Variants in DNA2 observed in about 807,000 individuals in gnomAD.
The protein encoded by DNA2 is DNA replication ATP-dependent helicase/nuclease DNA2.
Under a neutral mutation model 119.1 loss-of-function variants are expected in DNA2, and 101 were observed. The ratio of observed to expected loss-of-function variants is 0.85; its 90% CI spans 0.72 to 1.00. The LOEUF is 1.00. Ranked by LOEUF, DNA2 falls within the 50% of genes least tolerant of loss-of-function variation. The pLI is 0.00. For missense variants in DNA2, 1,121 were observed against 1,255.5 expected, an observed-to-expected ratio of 0.89 and a Z score of 1.62; for synonymous variants, 366 against 424.4, an observed-to-expected ratio of 0.86 and a Z score of 1.69.
chr10:68,461,364 T>C (rs1038303862), intron 4 of DNA2: 3 of 152,212 alleles, frequency 2.0e-5, no homozygotes, highest in African/African-American at 7.2e-5. Flanking sequence ...CACGATCTTA[T>C]ATGAAGTCAT....
In DNA2 at chr10:68,450,192, T is replaced by A. The variant is rs762988626; in HGVS notation, c.775A>T (p.Met259Leu). 6.2e-7 allele frequency: 1 copy of A among 1,602,678 alleles called. No homozygotes were observed. The highest frequency in any genetic ancestry group is 2.2e-5 in the East Asian group (1 of 44,732). ...GACCAAATGCTTTCTTCAATATCCATTGGTTTCACGACTTCAATGTTACAT... is the reference window on the plus strand; with the variant it reads ...GACCAAATGCTTTCTTCAATATCCAATGGTTTCACGACTTCAATGTTACAT... ...STCNIEVVKP[M>L]DIEESIWSPR... is the part of the protein sequence containing the mutation. The change falls in exon 6 of 21, where the codon ATG (methionine) becomes TTG (leucine). Residue 259 changes from methionine to leucine, a missense_variant. Met to Leu is a conservative substitution (Grantham distance 15, BLOSUM62 2). Transcript: ENST00000358410.
intron 5 of DNA2, among the ~76,000 whole-genome samples, chr10:68,458,483 G>A (rs1179963688): frequency 2.0e-5 from 3 of 149,300 alleles, no homozygotes; most frequent in Non-Finnish European, 4.4e-5. Flanking sequence ...GCAGTAAGCC[G>A]AAATCATGCC....
At chr10:68,427,625 G>A (rs111437456) in intron 14 of DNA2, among the ~76,000 whole-genome samples, 4 of 143,352 alleles carry the variant, frequency 2.8e-5, no homozygotes, top group African/African-American at 1.0e-4. Context: ...CTCCAGCCTG[G>A]GCAACAGAGC....
intron 14 of DNA2, chr10:68,424,935 C>A: frequency 1.5e-6 from 1 of 679,032 alleles, no homozygotes; most frequent in Non-Finnish European, 2.7e-6. Flanking sequence ...AGCCAAGTCT[C>A]GACAAGTCAG....
intron 7 of DNA2, 100 bp from the exon 8 acceptor site, chr10:68,445,183 G>A (rs1000286160): frequency 8.8e-6 from 10 of 1,140,382 alleles, no homozygotes; most frequent in Admixed American, 2.6e-5. Context: ...AACATTTTAG[G>A]GCCGGGCACA....
chr10:68,464,165 C>G (rs542688200), intron 4 of DNA2, among the ~76,000 whole-genome samples: 36 of 152,194 alleles, frequency 2.4e-4, no homozygotes, highest in South Asian at 6.2e-4. Context: ...TCATATATTG[C>G]CAGTAGAAAT....
intron 10 of DNA2, among the ~76,000 whole-genome samples, chr10:68,435,818 A>G (rs2051881819): frequency 6.6e-6 from 1 of 152,194 alleles, no homozygotes; most frequent in Non-Finnish European, 1.5e-5. Flanking sequence ...TATCACAACT[A>G]TAAATGGGAA....
In DNA2 at chr10:68,419,030, T is replaced by G; in HGVS notation, c.2967+4A>C. ...TGAATCAGTAGCAAACACAATTAAC[T>G]CACAGTTCCATCCTTATTACTTCTA... On this transcript the variant is annotated splice_donor_region_variant and intron_variant, in intron 19 of 20. Coordinates refer to ENST00000358410, the MANE Select transcript of DNA2 (RefSeq NM_001080449.3). 2 of 1,581,154 alleles carry G rather than the reference T, an allele frequency of 1.3e-6. No individual in the cohort carries two copies. The highest frequency in any genetic ancestry group is 1.7e-6 in the Non-Finnish European group (2 of 1,167,702).
At chr10:68,462,231 G>A (rs2052269252) in intron 4 of DNA2, among the ~76,000 whole-genome samples, 2 of 152,066 alleles carry the variant, frequency 1.3e-5, no homozygotes, top group African/African-American at 4.8e-5. Flanking sequence ...AATTAGCCGG[G>A]TGTGGTGGCA....
At chr10:68,466,053 C>T (rs1297301587) in intron 3 of DNA2, among the ~76,000 whole-genome samples, 2 of 151,350 alleles carry the variant, frequency 1.3e-5, no homozygotes, top group African/African-American at 2.4e-5. Context: ...CAGAGTCTTG[C>T]TCTGTCACCC....
chr10:68,471,719 G>A (rs1219551523), intron 1 of DNA2, 72 bp downstream of exon 1: 12 of 1,471,992 alleles, frequency 8.2e-6, no homozygotes, highest in African/African-American at 1.4e-5. Context: ...GAGGCGGTGC[G>A]GACGCAGCCT....
chr10:68,431,721 T>G (rs2051823685), intron 13 of DNA2, 141 bp downstream of exon 13: 2 of 588,548 alleles, frequency 3.4e-6, no homozygotes, highest in African/African-American at 3.8e-5. Context: ...CTTTACTATT[T>G]CTCATCATTC....
At chr10:68,459,589 A>G (rs952334091) in intron 4 of DNA2, among the ~76,000 whole-genome samples, 12 of 152,182 alleles carry the variant, frequency 7.9e-5, no homozygotes, top group African/African-American at 2.9e-4. Context: ...GGGTTGTCAG[A>G]GGCTGGGAGG....
chr10:68,440,675 A>T (rs2051956402), intron 9 of DNA2, among the ~76,000 whole-genome samples: 1 of 152,156 alleles, frequency 6.6e-6, no homozygotes, highest in Admixed American at 6.6e-5. Flanking sequence ...AAAGCAATTA[A>T]ATTTTACATA....
chr10:68,429,544 CAAA>C (rs533902480), intron 14 of DNA2, among the ~76,000 whole-genome samples: 1 of 102,380 alleles, frequency 9.8e-6, no homozygotes, highest in Non-Finnish European at 1.9e-5. Flanking sequence ...AACTCCGTCT[CAAA>C]AAAAAAAAAA....
chr10:68,453,319 C>A (rs910767980), intron 5 of DNA2, among the ~76,000 whole-genome samples: 1 of 152,224 alleles, frequency 6.6e-6, no homozygotes, highest in South Asian at 2.1e-4. Flanking sequence ...TATGACTGAC[C>A]TTTTAAAACA....
At chr10:68,460,849 T>G (rs2052248487) in intron 4 of DNA2, among the ~76,000 whole-genome samples, 1 of 151,792 alleles carries the variant, frequency 6.6e-6, no homozygotes, top group Non-Finnish European at 1.5e-5. Context: ...AGTTTGAGGT[T>G]ACGTGACCTG....
In DNA2 at chr10:68,429,882, A is replaced by ATTT. The variant is rs142420844; in HGVS notation, c.2208+551_2208+553dup. Among the ~76,000 whole-genome samples, 749 of 123,644 alleles carry ATTT rather than the reference A, an allele frequency of 6.1e-3. 17 individuals are homozygous for ATTT. Among genetic ancestry groups the ATTT allele is most frequent in the Middle Eastern group, 0.017 (4 of 232 alleles). The allele number at this position is 123,644 out of a possible 152,430, so 81.1% of individuals were successfully genotyped here. On this transcript the variant is annotated intron_variant, in intron 14 of 20. Coordinates refer to ENST00000358410, the MANE Select transcript of DNA2 (RefSeq NM_001080449.3). Reference sequence around the variant, plus strand: ...AATTCAAACTTACTAAAAAACCCGGATTTTTTTTTTTTTTTTTTGAGCTGG... The same window carrying ATTT: ...AATTCAAACTTACTAAAAAACCCGGATTTTTTTTTTTTTTTTTTTTTGAGCTGG...
chr10:68,471,789 A>ACAGCTCCGCCGG lies in DNA2; in HGVS notation c.64_74+1dup, dbSNP rs556723627. On this transcript the variant is annotated splice_donor_variant, in intron 1 of 20. Transcript: ENST00000358410. LOFTEE classifies it high-confidence loss of function. Reference sequence around the variant, plus strand: ...CCCACACCCTCCCCCCTCTCCGCTCACAGCTCCGCCGGCAGCTCCGCCTCC... The same window carrying ACAGCTCCGCCGG: ...CCCACACCCTCCCCCCTCTCCGCTCACAGCTCCGCCGGCAGCTCCGCCGGCAGCTCCGCCTCC... The ACAGCTCCGCCGG allele has an allele frequency of 1.1e-5, 18 of 1,598,548 alleles. No homozygotes were observed. The highest frequency in any genetic ancestry group is 1.8e-5 in the Admixed American group (1 of 56,712).
Sources: gnomAD v4.1 joint callset for allele counts (sites outside exome capture counted in the v4.1 genomes callset) on GRCh38, gnomAD v4.1.1 for gene constraint, MANE v1.5 for transcripts, NCBI Gene and HGNC (gene_info 2026-07-23, HGNC 2026-07-21) for gene names.